Variants in SCAF8 observed in about 807,000 individuals in gnomAD.
The protein encoded by SCAF8 is SR-related CTD associated factor 8.
In SCAF8, 23 loss-of-function variants were observed where a neutral mutation model predicts 140.5. That is an observed-to-expected ratio of 0.16 (90% CI 0.12 to 0.23). SCAF8 has a LOEUF of 0.23. SCAF8 is among the 10% of genes least tolerant of loss of function. The pLI is 1.00. For synonymous variants in SCAF8, 575 were observed against 528.9 expected, an observed-to-expected ratio of 1.09 and a Z score of -1.20; for missense variants, 1,397 against 1,555.7, an observed-to-expected ratio of 0.90 and a Z score of 1.72.
At chr6:154,756,158 A>C (rs1455794556) in intron 1 of SCAF8, among the ~76,000 whole-genome samples, 1 of 152,222 alleles carries the variant, frequency 6.6e-6, no homozygotes, top group East Asian at 1.9e-4. Context: ...GGTCCTAAAT[A>C]CCACTTTTGT....
In SCAF8 at chr6:154,733,730, C is replaced by T; in HGVS notation, c.-171C>T. 4 of 1,327,128 alleles carry T rather than the reference C, an allele frequency of 3.0e-6. No individual in the cohort carries two copies. Among genetic ancestry groups the T allele is most frequent in the South Asian group, 4.0e-5 (2 of 49,888 alleles). 82.2% of individuals were successfully genotyped at this position (1,327,128 alleles called of 1,614,324 possible). ...GGTGCCGCTCTGCCGCTGAGGGAGCCCTTCCCCGCCAGCGCGTGCCCTTCC... is the reference window on the plus strand; with the variant it reads ...GGTGCCGCTCTGCCGCTGAGGGAGCTCTTCCCCGCCAGCGCGTGCCCTTCC... On this transcript the variant is annotated 5_prime_UTR_variant, in exon 1 of 20. Transcript: ENST00000367178.
chr6:154,750,929 G>A (rs1778821989), intron 1 of SCAF8, among the ~76,000 whole-genome samples: 1 of 151,952 alleles, frequency 6.6e-6, no homozygotes, highest in Non-Finnish European at 1.5e-5. Context: ...TATATTAAAA[G>A]GTAACATGTT....
At chr6:154,791,152 T>C (rs1490613341) in intron 4 of SCAF8, among the ~76,000 whole-genome samples, 1 of 152,242 alleles carries the variant, frequency 6.6e-6, no homozygotes, top group South Asian at 2.1e-4. Context: ...GGGCATATTT[T>C]TCTGCCTATT....
chr6:154,741,397 T>G (rs577398428), intron 1 of SCAF8, among the ~76,000 whole-genome samples: 1 of 152,068 alleles, frequency 6.6e-6, no homozygotes, highest in Non-Finnish European at 1.5e-5. Context: ...AGAGTCATAT[T>G]CTATGATCAT....
intron 1 of SCAF8, among the ~76,000 whole-genome samples, chr6:154,773,280 T>A (rs1170300842): frequency 1.3e-5 from 2 of 152,242 alleles, no homozygotes; most frequent in Non-Finnish European, 2.9e-5. Flanking sequence ...CCTTTCTGGA[T>A]ATTACATATA....
At chr6:154,768,133 C>T (rs948108464) in intron 1 of SCAF8, among the ~76,000 whole-genome samples, 2 of 152,134 alleles carry the variant, frequency 1.3e-5, no homozygotes, top group African/African-American at 4.8e-5. Flanking sequence ...CATGAATTTC[C>T]TTTTCTTTTT....
intron 1 of SCAF8, among the ~76,000 whole-genome samples, chr6:154,752,093 G>T (rs1390320645): frequency 6.6e-6 from 1 of 152,094 alleles, no homozygotes; most frequent in Non-Finnish European, 1.5e-5. Context: ...AACAATGATG[G>T]CTACTTTGTG....
At chr6:154,741,865 C>A in intron 1 of SCAF8, 1 of 808,290 alleles carries the variant, frequency 1.2e-6, no homozygotes, top group Non-Finnish European at 2.0e-6. Context: ...CAACCTTGAC[C>A]TTGAACACTG....
intron 5 of SCAF8, among the ~76,000 whole-genome samples, chr6:154,794,781 GTGTGTGTGTGTGT>G (rs1777546300): frequency 2.7e-4 from 2 of 7,540 alleles, no homozygotes; most frequent in African/African-American, 6.1e-4. Context: ...GGTGTGGGGG[GTGTGTGTGTGTGT>G]GTGTGTGTGT....
chr6:154,763,666 A>G lies in SCAF8; in HGVS notation c.31-10323A>G, dbSNP rs139126665. 2.6e-5 allele frequency among the ~76,000 whole-genome samples: 4 copies of G among 152,252 alleles called. No individual in the cohort carries two copies. The East Asian group carries it at 7.7e-4, about 29-fold the overall frequency. ...TTTTGTTAAATTTTGGGTTTTGGGT[A>G]ATGAGTTTCATTTAATGCATAGAGG... On this transcript the variant is annotated intron_variant, in intron 1 of 19. Transcript: ENST00000367178.
At chr6:154,735,639 G>T (rs905507848) in intron 1 of SCAF8, among the ~76,000 whole-genome samples, 1 of 150,380 alleles carries the variant, frequency 6.6e-6, no homozygotes, top group South Asian at 2.1e-4. Flanking sequence ...TCAGTGTCCC[G>T]AGTAGCTGGG....
At chr6:154,783,231 T>C (rs73581075) in intron 3 of SCAF8, among the ~76,000 whole-genome samples, 2,248 of 152,306 alleles carry the variant, frequency 0.015, 56 homozygotes, top group African/African-American at 0.05. Flanking sequence ...TGAAATCCCT[T>C]GCCTTTTTTT....
At chr6:154,745,869 G>A (rs1026886103) in intron 1 of SCAF8, among the ~76,000 whole-genome samples, 3 of 151,730 alleles carry the variant, frequency 2.0e-5, no homozygotes, top group Non-Finnish European at 4.4e-5. Flanking sequence ...GTATGAACTC[G>A]TGGTGTTTTT....
intron 3 of SCAF8, 80 bp from the exon 4 acceptor site, chr6:154,787,781 C>G: frequency 1.7e-6 from 2 of 1,186,106 alleles, no homozygotes; most frequent in Non-Finnish European, 2.4e-6. Context: ...TGTATTTACA[C>G]AGGATTTTTG....
intron 1 of SCAF8, among the ~76,000 whole-genome samples, chr6:154,735,253 A>G (rs1198282814): frequency 2.0e-5 from 3 of 152,032 alleles, no homozygotes; most frequent in Admixed American, 1.3e-4. Flanking sequence ...TTTAATATTT[A>G]CCTCTTAAAA....
At chr6:154,807,765 A>G (rs958256141) in intron 9 of SCAF8, among the ~76,000 whole-genome samples, 7 of 152,178 alleles carry the variant, frequency 4.6e-5, no homozygotes, top group African/African-American at 1.2e-4. Flanking sequence ...TGTATTTTTC[A>G]TGCTATAATT....
chr6:154,772,998 G>T (rs111456053), intron 1 of SCAF8, among the ~76,000 whole-genome samples: 8 of 152,132 alleles, frequency 5.3e-5, no homozygotes, highest in African/African-American at 1.9e-4. Context: ...GATCTCAGGT[G>T]ATCTACCTGT....
chr6:154,757,957 C>T (rs1389432545), intron 1 of SCAF8, among the ~76,000 whole-genome samples: 4 of 146,144 alleles, frequency 2.7e-5, no homozygotes, highest in African/African-American at 1.0e-4. Context: ...GTCATCCAGG[C>T]TGGAGTACAG....
Position 154,733,833 on chromosome 6 carries a change from C to G in SCAF8, c.-68C>G, listed in dbSNP as rs147069918. On this transcript the variant is annotated 5_prime_UTR_variant, in exon 1 of 20. Coordinates refer to ENST00000367178, the MANE Select transcript of SCAF8 (RefSeq NM_014892.5). ...CGGCCACGCAGCAGCCCGCGTCTCG[C>G]TCTCCCCACCCAGTGCAGTGGCCGC... 3 of 1,510,216 alleles carry G rather than the reference C, an allele frequency of 2.0e-6. No individual in the cohort carries two copies. Among genetic ancestry groups the G allele is most frequent in the African/African-American group, 2.9e-5 (2 of 68,872 alleles). 93.6% of individuals were successfully genotyped at this position (1,510,216 alleles called of 1,614,324 possible).
Sources: gnomAD v4.1 joint callset for allele counts (sites outside exome capture counted in the v4.1 genomes callset) on GRCh38, gnomAD v4.1.1 for gene constraint, MANE v1.5 for transcripts, NCBI Gene and HGNC (gene_info 2026-07-23, HGNC 2026-07-21) for gene names.